EPX: variants seen among roughly 807,000 people sequenced by gnomAD.
EPX encodes the protein eosinophil peroxidase.
A neutral mutation model predicts 73.0 loss-of-function variants in EPX; 60 were observed. The observed-to-expected ratio is 0.82, with a 90% CI of 0.67 to 1.02. The LOEUF is 1.02. EPX is among the 50% of genes least tolerant of loss of function. The probability of loss-of-function intolerance (pLI) is 0.00; values close to 1 mark genes in which losing one functional copy is unlikely to be tolerated. For synonymous variants in EPX, 347 were observed against 389.2 expected (o/e 0.89, Z 1.28); for missense variants, 950 against 973.9 (o/e 0.98, Z 0.33).
In EPX at chr17:58,200,224, G is replaced by A; in HGVS notation, c.1538-1G>A. 1.9e-6 allele frequency: 3 copies of A among 1,613,504 alleles called. No homozygotes were observed. The highest frequency in any genetic ancestry group is 2.5e-6 in the Non-Finnish European group (3 of 1,179,480). On this transcript the variant is annotated splice_acceptor_variant, in intron 9 of 12. Coordinates refer to ENST00000225371, the MANE Select transcript of EPX (RefSeq NM_000502.6). LOFTEE classifies it high-confidence loss of function. ...GTGCTGCTCACATTCCCTGCCACCA[G>A]GGGGCATCGACCCCATCCTCCGGGG...
intron 7 of EPX, among the ~76,000 whole-genome samples, chr17:58,198,103 T>C (rs903932995): frequency 6.6e-6 from 1 of 152,212 alleles, no homozygotes. Context: ...CCCAAAGTGT[T>C]GGGATTACAG....
Position 58,197,057 on chromosome 17 carries a change from C to A in EPX, c.920C>A (p.Ser307Tyr), listed in dbSNP as rs1210187035. The change falls in exon 7 of 13, where the codon TCC becomes TAC. Residue 307 changes from serine to tyrosine, a missense_variant. Coordinates refer to ENST00000225371, the MANE Select transcript of EPX (RefSeq NM_000502.6). ...RVRNQINALT[S>Y]FVDASMVYGS... ...CGCAACCAGATCAACGCGCTCACCT[C>A]CTTTGTGGACGCCAGCATGGTGTAT... The A allele has an allele frequency of 6.2e-7, 1 of 1,614,216 alleles. No homozygotes were observed. Among genetic ancestry groups the A allele is most frequent in the South Asian group, 1.1e-5 (1 of 91,078 alleles).
chr17:58,194,087 C>T lies in EPX; in HGVS notation c.589C>T (p.Pro197Ser), dbSNP rs756906529. ...CAGGAGGCGCAATGGCTTCCTTCTC[C>T]CTCTTGTGAGTTGGGGCTGAGGGTT... Reference protein sequence around the residue: ...PSRRRNGFLLPLVRAVSNQIV... With the variant: ...PSRRRNGFLLSLVRAVSNQIV... Residue 197 changes from proline (P) to serine (S), a missense_variant, in exon 5 of 13, where the codon CCT (proline) becomes TCT (serine). Transcript: ENST00000225371. The T allele has an allele frequency of 5.6e-6, 9 of 1,613,272 alleles. No individual in the cohort carries two copies. Among genetic ancestry groups the T allele is most frequent in the Non-Finnish European group, 6.8e-6 (8 of 1,179,982 alleles).
intron 8 of EPX, 68 bp from the exon 9 acceptor site, chr17:58,199,471 A>G (rs1481383044): frequency 1.7e-5 from 27 of 1,554,282 alleles, no homozygotes; most frequent in Non-Finnish European, 2.0e-5. Context: ...TGTCTGAGCC[A>G]CCCTTTGAAA....
chr17:58,193,840 G>A lies in EPX; in HGVS notation c.464+9G>A, dbSNP rs148221455. The A allele has an allele frequency of 6.3e-4, 1,019 of 1,606,890 alleles. No individual in the cohort carries two copies. Among genetic ancestry groups the A allele is most frequent in the African/African-American group, 2.1e-3 (158 of 74,918 alleles). The stretch of plus-strand genomic sequence containing the variant: ...GGACGGTGCAACAACAAGTGCGTGC[G>A]GGGCGGCAGGAGGGGCTGCCCCTGC... On this transcript the variant is annotated intron_variant, in intron 4 of 12. Transcript: ENST00000225371.
chr17:58,199,668 C>T lies in EPX; in HGVS notation c.1411C>T (p.Arg471Cys), dbSNP rs563964992. 3.7e-6 allele frequency: 6 copies of T among 1,614,256 alleles called. No individual in the cohort carries two copies. Among genetic ancestry groups the T allele is most frequent in the African/African-American group, 2.7e-5 (2 of 75,070 alleles). The part of the protein sequence containing the change: ...RVANVFTLAF[R>C]FGHTMLQPFM... ...GGCCAATGTCTTCACCCTGGCCTTC[C>T]GCTTTGGCCACACAATGCTCCAGCC... The change falls in exon 9 of 13, where the codon CGC becomes TGC. Residue 471 changes from arginine (R) to cysteine (C), a missense_variant. Physicochemically the swap from Arg to Cys is radical, Grantham distance 180. Transcript: ENST00000225371.
chr17:58,195,692 A>ACT (rs923214436), intron 6 of EPX, among the ~76,000 whole-genome samples: 1 of 148,092 alleles, frequency 6.8e-6, no homozygotes, highest in African/African-American at 2.6e-5. Flanking sequence ...GCACACACAC[A>ACT]CTCTCTCACA....
intron 10 of EPX, 189 bp from the exon 11 acceptor site, chr17:58,202,892 C>T (rs1968360305): frequency 3.1e-6 from 2 of 641,730 alleles, no homozygotes; most frequent in Admixed American, 4.6e-5. Flanking sequence ...CACAGTTGTC[C>T]ACTCACATTT....
rs138263557 is a variant in EPX, at chr17:58,196,957, C to T, written c.820C>T (p.Arg274Cys). 1.7e-5 allele frequency: 28 copies of T among 1,613,862 alleles called. No individual in the cohort carries two copies. The highest frequency in any genetic ancestry group is 1.1e-4 in the South Asian group (10 of 91,088). ...FPIKIPPNDP[R>C]IKNQRDCIPF... ...ATCTCAGATCCCACCCAATGACCCCCGCATCAAGAACCAGCGTGACTGCAT... is the reference window on the plus strand; with the variant it reads ...ATCTCAGATCCCACCCAATGACCCCTGCATCAAGAACCAGCGTGACTGCAT... Residue 274 changes from arginine to cysteine, a missense_variant, in exon 7 of 13, where the codon CGC (arginine) becomes TGC (cysteine). Coordinates refer to ENST00000225371, the MANE Select transcript of EPX (RefSeq NM_000502.6).
intron 7 of EPX, among the ~76,000 whole-genome samples, chr17:58,197,996 T>C (rs1305693530): frequency 6.6e-6 from 1 of 152,048 alleles, no homozygotes; most frequent in African/African-American, 2.4e-5. Flanking sequence ...CCACCACGTT[T>C]GGCTAATTTT....
chr17:58,193,486 G>T lies in EPX; in HGVS notation c.286G>T (p.Ala96Ser). 6.2e-7 allele frequency: 1 copy of T among 1,614,206 alleles called. No homozygotes were observed. The highest frequency in any genetic ancestry group is 8.5e-7 in the Non-Finnish European group (1 of 1,180,024). ...VVRAADYMHV[A>S]LGLLEEKLQP... ...TCGGGCCGCAGATTATATGCATGTG[G>T]CTTTGGGGCTGCTTGAAGAGAAGTT... The change falls in exon 3 of 13, where the codon GCT becomes TCT. Residue 96 changes from alanine (A) to serine (S), a missense_variant. Physicochemically the swap from Ala to Ser is moderately conservative, Grantham distance 99 (BLOSUM62 1). Transcript: ENST00000225371.
intron 6 of EPX, among the ~76,000 whole-genome samples, chr17:58,195,692 ACTCT>A (rs923214436): frequency 4.7e-5 from 7 of 147,978 alleles, no homozygotes; most frequent in African/African-American, 7.8e-5. Flanking sequence ...GCACACACAC[ACTCT>A]CTCACACACA....
At chr17:58,201,884 C>A (rs1968347005) in intron 10 of EPX, among the ~76,000 whole-genome samples, 2 of 152,210 alleles carry the variant, frequency 1.3e-5, no homozygotes, top group African/African-American at 4.8e-5. Context: ...GCTAGCCACC[C>A]AAGTTTCCAC....
intron 3 of EPX, 23 bp from the exon 4 acceptor site, chr17:58,193,691 T>A: frequency 6.4e-7 from 1 of 1,568,736 alleles, no homozygotes. Context: ...CCAGCTCAGG[T>A]CTGCCCATTT....
At position 58,199,110 on chromosome 17, in the gene EPX, G is replaced by T. The variant is rs759092199; in HGVS notation, c.1191G>T (p.Arg397=). ...CCCTCTTTATGCGAGAGCACAACCG[G>T]CTGGCCACCGAGCTGAGACGCCTGA... is the stretch of plus-strand genomic sequence containing the variant. ...MHTLFMREHN[R]LATELRRLNP... Residue 397 remains arginine, a synonymous_variant, in exon 8 of 13, where the codon CGG becomes CGT. Transcript: ENST00000225371. 1.7e-5 allele frequency: 28 copies of T among 1,613,920 alleles called. 1 individual carries two copies. In the South Asian group the frequency reaches 2.7e-4, roughly 16 times the overall value.
chr17:58,193,060 C>A lies in EPX; in HGVS notation c.99C>A (p.Thr33=). The A allele has an allele frequency of 6.2e-7, 1 of 1,613,076 alleles. No individual in the cohort carries two copies. The highest frequency in any genetic ancestry group is 2.2e-5 in the East Asian group (1 of 44,880). Residue 33 remains threonine, a synonymous_variant, in exon 2 of 13, where the codon ACC becomes ACA. Coordinates refer to ENST00000225371, the MANE Select transcript of EPX (RefSeq NM_000502.6). ...TDPASPGAVE[T]SVLRDCIAEA... ...CAGCCTCCCCTGGGGCAGTGGAGAC[C>A]TCGGTCCTGCGAGACTGCATAGCAG... is the stretch of plus-strand genomic sequence containing the variant.
rs200004363 is a variant in EPX, at chr17:58,195,027, C to T, written c.658C>T (p.Arg220Ter). 628 of 1,614,132 alleles carry T rather than the reference C, an allele frequency of 3.9e-4. No individual in the cohort carries two copies. The highest frequency in any genetic ancestry group is 4.8e-4 in the Admixed American group (29 of 60,032). The change falls in exon 6 of 13, where the codon CGA becomes TGA. Residue 220 changes from arginine (R) to a stop codon, truncating the protein, a stop_gained. Coordinates refer to ENST00000225371, the MANE Select transcript of EPX (RefSeq NM_000502.6). LOFTEE classifies it high-confidence loss of function. Reference protein sequence around the residue: ...PNERLTSDRGRALMFMQWGQF... With the variant: ...PNERLTSDRG ...TGAGAGACTGACCTCCGACCGTGGC[C>T]GAGCCCTCATGTTCATGCAGTGGGG...
At position 58,195,058 on chromosome 17, in the gene EPX, TC is replaced by T; in HGVS notation, c.690del (p.Phe230LeufsTer173). On this transcript the variant is annotated frameshift_variant, in exon 6 of 13. Coordinates refer to ENST00000225371, the MANE Select transcript of EPX (RefSeq NM_000502.6). LOFTEE classifies it high-confidence loss of function. Reference sequence around the variant, plus strand: ...CTCATGTTCATGCAGTGGGGCCAGTTCATTGACCATGACCTGGACTTCTCCC... The same window carrying T: ...CTCATGTTCATGCAGTGGGGCCAGTTATTGACCATGACCTGGACTTCTCCC... ...RALMFMQWGQ[F>X]IDHDLDFSPE... 1 of 1,614,072 alleles carries T rather than the reference TC, an allele frequency of 6.2e-7. No homozygotes were observed. The highest frequency in any genetic ancestry group is 8.5e-7 in the Non-Finnish European group (1 of 1,179,894).
intron 10 of EPX, among the ~76,000 whole-genome samples, chr17:58,202,048 T>C (rs1356426637): frequency 6.6e-6 from 1 of 152,200 alleles, no homozygotes; most frequent in East Asian, 1.9e-4. Flanking sequence ...AAAGTGACCC[T>C]GAAGCCTATG....
Sources: allele counts gnomAD v4.1 joint callset (sites outside exome capture counted in the v4.1 genomes callset), GRCh38; gene constraint gnomAD v4.1.1; transcripts MANE v1.5; gene names NCBI Gene and HGNC (gene_info 2026-07-23, HGNC 2026-07-21).